Variants in TNIK observed in about 807,000 individuals in gnomAD.
TNIK encodes TRAF2 and NCK-interacting protein kinase.
In TNIK, 49 loss-of-function variants were observed where a neutral mutation model predicts 191.3. The ratio of observed to expected loss-of-function variants is 0.26; its 90% CI spans 0.20 to 0.32. The LOEUF (loss-of-function observed/expected upper bound fraction) is 0.32. Among genes scored for constraint, TNIK ranks in the 10% least tolerant of loss-of-function variants. TNIK has a pLI of 1.00. For missense variants in TNIK, 1,155 were observed against 1,702.3 expected (o/e 0.68, Z 5.66); for synonymous variants, 594 against 600.9 (o/e 0.99, Z 0.17).
intron 1 of TNIK, among the ~76,000 whole-genome samples, chr3:171,436,471 T>C (rs529649268): frequency 6.6e-6 from 1 of 152,354 alleles, no homozygotes; most frequent in African/African-American, 2.4e-5. Context: ...ACTGTTATTG[T>C]TACCTCCATT....
chr3:171,234,252 T>C (rs1744003337), intron 2 of TNIK, among the ~76,000 whole-genome samples: 1 of 152,206 alleles, frequency 6.6e-6, no homozygotes, highest in South Asian at 2.1e-4. Flanking sequence ...GTAACATGAA[T>C]GTTCACAGAG....
chr3:171,088,237 C>CTTTTTT (rs760417147), intron 23 of TNIK, among the ~76,000 whole-genome samples: 1 of 142,908 alleles, frequency 7.0e-6, no homozygotes, highest in Non-Finnish European at 1.5e-5. Context: ...AAAGGTTTTT[C>CTTTTTT]TTTTTTTTTT....
At chr3:171,189,240 G>C (rs1321183674) in intron 6 of TNIK, among the ~76,000 whole-genome samples, 1 of 152,198 alleles carries the variant, frequency 6.6e-6, no homozygotes, top group Non-Finnish European at 1.5e-5. Context: ...CCACGTTGCA[G>C]CATGTGTTAG....
intron 10 of TNIK, among the ~76,000 whole-genome samples, chr3:171,165,666 TGAA>T (rs1458015013): frequency 6.6e-6 from 1 of 152,184 alleles, no homozygotes; most frequent in African/African-American, 2.4e-5. Flanking sequence ...GCCTCTGAAC[TGAA>T]GAGAGGAGAG....
At chr3:171,406,019 T>G (rs1445703380) in intron 1 of TNIK, among the ~76,000 whole-genome samples, 1 of 152,186 alleles carries the variant, frequency 6.6e-6, no homozygotes, top group Non-Finnish European at 1.5e-5. Context: ...TAAGTAAAAC[T>G]CCATGTGGCC....
At chr3:171,332,035 GTTAT>G (rs1756465319) in intron 2 of TNIK, among the ~76,000 whole-genome samples, 2 of 152,004 alleles carry the variant, frequency 1.3e-5, no homozygotes, top group Non-Finnish European at 2.9e-5. Flanking sequence ...AAAATTAAAA[GTTAT>G]TTTTTTAAAA....
intron 2 of TNIK, among the ~76,000 whole-genome samples, chr3:171,249,360 G>T (rs1234030683): frequency 6.6e-6 from 1 of 152,148 alleles, no homozygotes; most frequent in African/African-American, 2.4e-5. Flanking sequence ...GTGAATATCA[G>T]ATCTGTACAA....
intron 10 of TNIK, among the ~76,000 whole-genome samples, chr3:171,161,795 C>A (rs528082609): frequency 6.6e-6 from 1 of 152,040 alleles, no homozygotes; most frequent in Admixed American, 6.5e-5. Flanking sequence ...TGGCGGGTGC[C>A]TGTAGTCCCA....
chr3:171,410,175 T>C (rs1487104685), intron 1 of TNIK, among the ~76,000 whole-genome samples: 1 of 152,240 alleles, frequency 6.6e-6, no homozygotes, highest in Non-Finnish European at 1.5e-5. Flanking sequence ...CAATTCTCAG[T>C]ACTCAAAAGC....
At chr3:171,083,403 T>G (rs1720932612) in intron 26 of TNIK, among the ~76,000 whole-genome samples, 1 of 152,196 alleles carries the variant, frequency 6.6e-6, no homozygotes, top group South Asian at 2.1e-4. Context: ...TTCAGCCTTT[T>G]AAAATTATGG....
At chr3:171,090,778 G>C (rs550797511) in intron 23 of TNIK, among the ~76,000 whole-genome samples, 1 of 152,274 alleles carries the variant, frequency 6.6e-6, no homozygotes, top group African/African-American at 2.4e-5. Flanking sequence ...ATAGGACAGG[G>C]ATAGGTAGAA....
intron 2 of TNIK, among the ~76,000 whole-genome samples, chr3:171,363,006 A>G (rs148152381): frequency 1.3e-5 from 2 of 152,216 alleles, no homozygotes; most frequent in African/African-American, 4.8e-5. Flanking sequence ...TTGCACCTCA[A>G]TGTTAAGAGT....
chr3:171,378,564 T>G (rs917425986), intron 1 of TNIK, among the ~76,000 whole-genome samples: 1 of 152,234 alleles, frequency 6.6e-6, no homozygotes, highest in Admixed American at 6.5e-5. Context: ...TAACTCTTAT[T>G]GGTTTTGTCC....
chr3:171,295,128 A>G (rs1316122253), intron 2 of TNIK, among the ~76,000 whole-genome samples: 1 of 152,172 alleles, frequency 6.6e-6, no homozygotes, highest in Non-Finnish European at 1.5e-5. Flanking sequence ...AACTGAGTCT[A>G]TGGCCACACT....
At chr3:171,410,572 G>A (rs375294377) in intron 1 of TNIK, among the ~76,000 whole-genome samples, 1 of 152,096 alleles carries the variant, frequency 6.6e-6, no homozygotes, top group African/African-American at 2.4e-5. Context: ...AAGGTCAGGA[G>A]ATCGAGACCA....
intron 28 of TNIK, among the ~76,000 whole-genome samples, chr3:171,076,146 C>T (rs956189332): frequency 6.6e-6 from 1 of 150,920 alleles, no homozygotes; most frequent in Non-Finnish European, 1.5e-5. Flanking sequence ...CTGTGAGTGA[C>T]ATGTTATTAA....
intron 26 of TNIK, among the ~76,000 whole-genome samples, chr3:171,083,822 G>C (rs532555902): frequency 6.6e-6 from 1 of 152,232 alleles, no homozygotes; most frequent in East Asian, 1.9e-4. Context: ...GACACAAATC[G>C]CCTCTGATTG....
intron 3 of TNIK, among the ~76,000 whole-genome samples, chr3:171,223,295 GT>G (rs143949994): frequency 0.012 from 1,773 of 152,200 alleles, 33 homozygotes; most frequent in African/African-American, 0.041. Flanking sequence ...TACAAGTAAC[GT>G]TATTTACACA....
intron 18 of TNIK, among the ~76,000 whole-genome samples, chr3:171,121,548 G>C (rs1727746715): frequency 6.6e-6 from 1 of 152,230 alleles, no homozygotes; most frequent in Admixed American, 6.5e-5. Context: ...CGTGGAGCAA[G>C]AGGTACAGCA....
Sources: gnomAD v4.1 joint callset for allele counts (sites outside exome capture counted in the v4.1 genomes callset) on GRCh38, gnomAD v4.1.1 for gene constraint, MANE v1.5 for transcripts, NCBI Gene and HGNC (gene_info 2026-07-23, HGNC 2026-07-21) for gene names.